GRID2: variants seen among roughly 807,000 people sequenced by gnomAD.
GRID2 encodes the protein glutamate ionotropic receptor delta type subunit 2.
A neutral mutation model predicts 114.8 loss-of-function variants in GRID2; 33 were observed. That is an observed-to-expected ratio of 0.29 (90% confidence interval 0.22 to 0.38). The LOEUF is 0.38. GRID2 is among the 10% of genes least tolerant of loss of function. The pLI, the probability that GRID2 is intolerant of heterozygous loss-of-function variation, is 1.00. For synonymous variants in GRID2, 505 were observed against 449.9 expected (o/e 1.12, Z -1.55); for missense variants, 1,184 against 1,257.7 (o/e 0.94, Z 0.89).
At chr4:92,536,698 TCTTCCCAGATTTTTTCTCTTA>T (rs937729467) in intron 1 of GRID2, among the ~76,000 whole-genome samples, 1 of 152,200 alleles carries the variant, frequency 6.6e-6, no homozygotes, top group Non-Finnish European at 1.5e-5. Flanking sequence ...AAAATAATTT[TCTTCCCAGATTTTTTCTCTTA>T]TATGCCTCTT....
chr4:93,328,379 A>G (rs756108622), intron 8 of GRID2, among the ~76,000 whole-genome samples: 9 of 152,196 alleles, frequency 5.9e-5, no homozygotes, highest in South Asian at 2.1e-4. Flanking sequence ...AAGAAAGTCC[A>G]TTTCATCTGG....
chr4:92,950,297 C>A (rs531748388), intron 2 of GRID2, among the ~76,000 whole-genome samples: 1 of 152,162 alleles, frequency 6.6e-6, no homozygotes, highest in Non-Finnish European at 1.5e-5. Flanking sequence ...AATCGATCCT[C>A]TAACTGACAG....
intron 2 of GRID2, among the ~76,000 whole-genome samples, chr4:93,082,483 C>G (rs1285931276): frequency 6.6e-6 from 1 of 152,110 alleles, no homozygotes; most frequent in Non-Finnish European, 1.5e-5. Context: ...GGCCACCACT[C>G]TCCCACTCTC....
intron 2 of GRID2, among the ~76,000 whole-genome samples, chr4:92,827,415 AAAAAG>A (rs1741791227): frequency 6.6e-6 from 1 of 151,756 alleles, no homozygotes; most frequent in African/African-American, 2.4e-5. Flanking sequence ...AAAAAAAAAA[AAAAAG>A]GAGGGAGTCA....
chr4:92,931,683 A>AT (rs977609957), intron 2 of GRID2, among the ~76,000 whole-genome samples: 13 of 150,406 alleles, frequency 8.6e-5, no homozygotes, highest in African/African-American at 1.9e-4. Flanking sequence ...AATAACCTGG[A>AT]TAAAAAAAAA....
At chr4:92,776,957 A>G (rs1454715359) in intron 2 of GRID2, among the ~76,000 whole-genome samples, 1 of 152,028 alleles carries the variant, frequency 6.6e-6, no homozygotes, top group Admixed American at 6.6e-5. Context: ...AAATATGTGA[A>G]ATAATTTTAT....
chr4:92,530,459 A>G (rs1725280768), intron 1 of GRID2, among the ~76,000 whole-genome samples: 1 of 149,928 alleles, frequency 6.7e-6, no homozygotes, highest in Non-Finnish European at 1.5e-5. Flanking sequence ...AATAGTGAGA[A>G]TAGTGGAAAA....
chr4:92,617,105 T>G (rs992278383), intron 2 of GRID2, among the ~76,000 whole-genome samples: 1 of 151,498 alleles, frequency 6.6e-6, no homozygotes, highest in Non-Finnish European at 1.5e-5. Flanking sequence ...ATATAATATA[T>G]AGTTTCAAAC....
At chr4:93,092,702 C>G (rs995284171) in intron 3 of GRID2, among the ~76,000 whole-genome samples, 5 of 151,992 alleles carry the variant, frequency 3.3e-5, no homozygotes, top group South Asian at 2.1e-4. Context: ...CTGATGTAAT[C>G]TTGATATACT....
chr4:92,655,660 A>AT (rs373518607), intron 2 of GRID2, among the ~76,000 whole-genome samples: 12 of 150,180 alleles, frequency 8.0e-5, no homozygotes, highest in South Asian at 4.2e-4. Context: ...TGACTTCTTG[A>AT]TTTTTTTTCA....
intron 9 of GRID2, among the ~76,000 whole-genome samples, chr4:93,407,245 A>G (rs1404940014): frequency 6.6e-6 from 1 of 152,080 alleles, no homozygotes; most frequent in East Asian, 1.9e-4. Context: ...AGATATCTTC[A>G]AAAAGCATCC....
At chr4:93,590,955 G>A (rs1738210796) in intron 13 of GRID2, among the ~76,000 whole-genome samples, 1 of 151,566 alleles carries the variant, frequency 6.6e-6, no homozygotes, top group Non-Finnish European at 1.5e-5. Flanking sequence ...GAGATTTTGG[G>A]CTGAGACGAT....
At chr4:92,821,980 A>G (rs1053488881) in intron 2 of GRID2, 3 of 162,690 alleles carry the variant, frequency 1.8e-5, no homozygotes, top group African/African-American at 7.2e-5. Context: ...GTTCTGCCAT[A>G]AATATCTAGC....
Position 92,373,102 on chromosome 4 carries a change from G to T in GRID2, c.88+68358G>T, listed in dbSNP as rs542019257. Among the ~76,000 whole-genome samples, 16 of 152,256 alleles carry T rather than the reference G, an allele frequency of 1.1e-4. No homozygotes were observed. The South Asian group carries it at 3.3e-3, about 32-fold the overall frequency. ...GATACAGGTTCATGCTAGGTAATTT[G>T]GGGGCATATTCAAAGCAGTGGTGCT... On this transcript the variant is annotated intron_variant, in intron 1 of 15. Transcript: ENST00000282020.
chr4:92,782,874 G>A (rs1003307075), intron 2 of GRID2, among the ~76,000 whole-genome samples: 6 of 151,910 alleles, frequency 3.9e-5, no homozygotes, highest in African/African-American at 1.5e-4. Flanking sequence ...GGTGACAGAG[G>A]GTGAGGCTAC....
chr4:92,491,745 C>T (rs2149114119), intron 1 of GRID2, among the ~76,000 whole-genome samples: 1 of 151,980 alleles, frequency 6.6e-6, no homozygotes, highest in East Asian at 1.9e-4. Flanking sequence ...TTTCAATATT[C>T]TATGATTTCA....
intron 14 of GRID2, among the ~76,000 whole-genome samples, chr4:93,728,398 A>G (rs541724969): frequency 1.3e-5 from 2 of 152,128 alleles, no homozygotes; most frequent in Admixed American, 1.3e-4. Flanking sequence ...GGAGTGCTTT[A>G]CTTCCAACTA....
intron 2 of GRID2, among the ~76,000 whole-genome samples, chr4:92,735,366 C>G (rs1736541972): frequency 6.6e-6 from 1 of 152,006 alleles, no homozygotes; most frequent in Non-Finnish European, 1.5e-5. Flanking sequence ...AACCATACAA[C>G]TAATAAGATA....
At chr4:92,911,259 CA>C (rs1379693734) in intron 2 of GRID2, among the ~76,000 whole-genome samples, 17 of 151,872 alleles carry the variant, frequency 1.1e-4, no homozygotes, top group African/African-American at 4.1e-4. Context: ...ATTTAGTATT[CA>C]TTTATAATAA....
Sources: gnomAD v4.1 joint callset for allele counts (sites outside exome capture counted in the v4.1 genomes callset) on GRCh38, gnomAD v4.1.1 for gene constraint, MANE v1.5 for transcripts, NCBI Gene and HGNC (gene_info 2026-07-23, HGNC 2026-07-21) for gene names.